UGT1A4: variants seen among roughly 807,000 people sequenced by gnomAD.
UGT1A4 encodes the protein UDP glucuronosyltransferase family 1 member A4.
In UGT1A4, 32 loss-of-function variants were observed where a neutral mutation model predicts 41.1. The ratio of observed to expected loss-of-function variants is 0.78; its 90% CI spans 0.59 to 1.05. The LOEUF is 1.05. Ranked by LOEUF, UGT1A4 falls within the 50% of genes least tolerant of loss-of-function variation. The probability of loss-of-function intolerance (pLI) is 0.00; values close to 1 mark genes in which losing one functional copy is unlikely to be tolerated. For synonymous variants in UGT1A4, 283 were observed against 265.1 expected, an observed-to-expected ratio of 1.07 and a Z score of -0.66; for missense variants, 748 against 677.4, an observed-to-expected ratio of 1.10 and a Z score of -1.16.
At chr2:233,750,055 CT>C (rs1365939187) in intron 1 of UGT1A4, among the ~76,000 whole-genome samples, 2 of 151,758 alleles carry the variant, frequency 1.3e-5, no homozygotes, top group Non-Finnish European at 2.9e-5. Context: ...GTGGAAGTGA[CT>C]TTGGAACTGG....
intron 1 of UGT1A4, among the ~76,000 whole-genome samples, chr2:233,757,432 C>T (rs1207849155): frequency 1.3e-5 from 2 of 151,156 alleles, no homozygotes; most frequent in Non-Finnish European, 2.9e-5. Context: ...GAAGAAAAGT[C>T]ACTTCTATAC....
intron 1 of UGT1A4, among the ~76,000 whole-genome samples, chr2:233,724,823 G>C (rs377063392): frequency 1.5e-5 from 2 of 135,304 alleles, no homozygotes; most frequent in Admixed American, 7.3e-5. Context: ...CTGCAATCTC[G>C]GCACTTTGGG....
intron 1 of UGT1A4, among the ~76,000 whole-genome samples, chr2:233,728,059 C>T (rs2077678124): frequency 1.3e-5 from 2 of 152,228 alleles, no homozygotes; most frequent in South Asian, 2.1e-4. Context: ...GGCTTGAGGC[C>T]CTTGTGAGTG....
intron 1 of UGT1A4, chr2:233,756,414 T>G (rs1696206608): frequency 6.6e-6 from 1 of 152,212 alleles, no homozygotes; most frequent in African/African-American, 2.4e-5. Flanking sequence ...ATTTGTATTA[T>G]TTGTACTGTT....
At chr2:233,741,258 T>C (rs1466161832) in intron 1 of UGT1A4, among the ~76,000 whole-genome samples, 3 of 151,876 alleles carry the variant, frequency 2.0e-5, no homozygotes, top group African/African-American at 7.3e-5. Context: ...ATGCCACTCT[T>C]TGCTGACCAC....
At chr2:233,729,148 C>T (rs1366354347) in intron 1 of UGT1A4, 5 of 1,613,474 alleles carry the variant, frequency 3.1e-6, no homozygotes, top group Non-Finnish European at 4.2e-6. Context: ...ACTCCAGGTT[C>T]CCCTGCCGTG....
intron 1 of UGT1A4, among the ~76,000 whole-genome samples, chr2:233,725,106 A>C (rs2077366331): frequency 7.0e-6 from 1 of 142,226 alleles, no homozygotes; most frequent in African/African-American, 2.7e-5. Flanking sequence ...AGAATCAGGC[A>C]GGGAGGTTGC....
chr2:233,748,866 G>T (rs17862876), intron 1 of UGT1A4, among the ~76,000 whole-genome samples: 1,756 of 151,560 alleles, frequency 0.012, 18 homozygotes, highest in Non-Finnish European at 0.019. Flanking sequence ...AGTTAAGCTG[G>T]GGACGGTGAT....
rs1387531688 is a variant in UGT1A4 at position 233,769,376 on chromosome 2, C to T, written c.1307+937C>T. On this transcript the variant is annotated intron_variant, in intron 4 of 4. Transcript: ENST00000373409. The surrounding 1 kb of genome is among the most constrained non-coding windows in gnomAD (Gnocchi z 4.4). ...AGTGGTGGCCAGTGGTAGATTTCAT[C>T]CGACAATAGATACTGTGTGCATATG... Among the ~76,000 whole-genome samples the T allele has an allele frequency of 6.6e-6, 1 of 152,162 alleles. No homozygotes were observed. The highest frequency in any genetic ancestry group is 1.5e-5 in the Non-Finnish European group (1 of 68,030).
At position 233,719,044 on chromosome 2, in the gene UGT1A4, T is replaced by C. The variant is rs2076716677; in HGVS notation, c.224T>C (p.Phe75Ser). The C allele has an allele frequency of 1.2e-6, 2 of 1,614,154 alleles. No homozygotes were observed. Among genetic ancestry groups the C allele is most frequent in the African/African-American group, 1.3e-5 (1 of 74,950 alleles). The change falls in exon 1 of 5, where the codon TTC (phenylalanine) becomes TCC (serine). Residue 75 changes from phenylalanine (F) to serine (S), a missense_variant. By Grantham distance (155) the Phe-to-Ser change is radical. Transcript: ENST00000373409. ...VNMHIKEEKF[F>S]TLTAYAVPWT... is the part of the protein sequence containing the mutation. ...ATGCACATCAAAGAAGAGAAATTTT[T>C]CACCCTGACAGCCTATGCTGTTCCA...
intron 1 of UGT1A4, among the ~76,000 whole-genome samples, chr2:233,735,780 G>A (rs1327428740): frequency 7.9e-5 from 12 of 152,112 alleles, no homozygotes; most frequent in Admixed American, 6.5e-4. Context: ...GCTTACTTTG[G>A]CTGCATATGA....
intron 1 of UGT1A4, among the ~76,000 whole-genome samples, chr2:233,728,740 G>C (rs1227544555): frequency 1.3e-5 from 2 of 152,220 alleles, no homozygotes; most frequent in African/African-American, 2.4e-5. Flanking sequence ...CTGGGGGCTA[G>C]GGCAATGGTG....
At chr2:233,749,564 G>C (rs1694221021) in intron 1 of UGT1A4, among the ~76,000 whole-genome samples, 1 of 151,822 alleles carries the variant, frequency 6.6e-6, no homozygotes, top group South Asian at 2.1e-4. Flanking sequence ...GTATTCAATA[G>C]TGAGGCCACT....
At position 233,767,932 on chromosome 2, in the gene UGT1A4, G is replaced by C. The variant is rs754018098; in HGVS notation, c.1083G>C (p.Leu361=). The change falls in exon 3 of 5, where the codon CTG becomes CTC. Residue 361 remains leucine (L), a synonymous_variant. Coordinates refer to ENST00000373409, the MANE Select transcript of UGT1A4 (RefSeq NM_007120.3). ...TTAAGTGGCTACCCCAAAACGATCT[G>C]CTTGGTATGTTGGGCGGATTGGATG... ...ILVKWLPQND[L]LGHPMTRAFI... 3 of 1,614,064 alleles carry C rather than the reference G, an allele frequency of 1.9e-6. No individual in the cohort carries two copies. Among genetic ancestry groups the C allele is most frequent in the African/African-American group, 2.7e-5 (2 of 74,926 alleles).
intron 1 of UGT1A4, chr2:233,747,384 G>T: frequency 6.2e-7 from 1 of 1,605,378 alleles, no homozygotes; most frequent in Non-Finnish European, 8.5e-7. Flanking sequence ...AGGCCACCAG[G>T]CGGTGGTCCT....
In UGT1A4 at chr2:233,772,647, T is replaced by C. The variant is rs1430291963; in HGVS notation, c.*88T>C. 7 of 1,549,866 alleles carry C rather than the reference T, an allele frequency of 4.5e-6. No homozygotes were observed. In the African/African-American group the frequency reaches 5.5e-5, roughly 12 times the overall value. On this transcript the variant is annotated 3_prime_UTR_variant, in exon 5 of 5. Transcript: ENST00000373409. ...CAGAATCAGTGTTAAATTCATTTTATTCTTATTAAGGAAATACTTTGCATA... is the reference window on the plus strand; with the variant it reads ...CAGAATCAGTGTTAAATTCATTTTACTCTTATTAAGGAAATACTTTGCATA...
At chr2:233,729,219 G>A in intron 1 of UGT1A4, 1 of 1,614,156 alleles carries the variant, frequency 6.2e-7, no homozygotes, top group Non-Finnish European at 8.5e-7. Context: ...GTGGAAAGGT[G>A]TTGGTGGTGC....
chr2:233,745,708 C>G (rs571256965), intron 1 of UGT1A4, among the ~76,000 whole-genome samples: 5 of 149,444 alleles, frequency 3.3e-5, no homozygotes, highest in South Asian at 2.1e-4. Context: ...AACAAGTGAT[C>G]CAGAATGGCT....
At chr2:233,738,284 C>T (rs1690749854) in intron 1 of UGT1A4, among the ~76,000 whole-genome samples, 1 of 152,160 alleles carries the variant, frequency 6.6e-6, no homozygotes, top group Non-Finnish European at 1.5e-5. Context: ...TTATAAATTA[C>T]CCAGTCTTGG....
Sources: gnomAD v4.1 joint callset for allele counts (sites outside exome capture counted in the v4.1 genomes callset) on GRCh38, gnomAD v4.1.1 for gene constraint, Gnocchi (gnomAD v3.1) non-coding constraint, MANE v1.5 for transcripts, NCBI Gene and HGNC (gene_info 2026-07-23, HGNC 2026-07-21) for gene names.